The following SAMD12 variants were observed in gnomAD, a reference collection of about 807,000 sequenced individuals.
SAMD12 encodes the protein sterile alpha motif domain-containing protein 12.
In SAMD12, 9 loss-of-function variants were observed where a neutral mutation model predicts 15.0. The observed-to-expected ratio is 0.60, with a 90% CI of 0.36 to 1.05. The LOEUF (loss-of-function observed/expected upper bound fraction) is 1.05. Ranked by LOEUF, SAMD12 falls within the 50% of genes least tolerant of loss-of-function variation. SAMD12 has a pLI of 0.01. For synonymous variants in SAMD12, 86 were observed against 90.1 expected (o/e 0.96, Z 0.25); for missense variants, 230 against 234.2 (o/e 0.98, Z 0.12).
At chr8:118,261,966 G>A (rs1049237335) in intron 4 of SAMD12, among the ~76,000 whole-genome samples, 1 of 151,886 alleles carries the variant, frequency 6.6e-6, no homozygotes, top group Admixed American at 6.6e-5. Context: ...AGAAAATGTG[G>A]TATATATACA....
chr8:118,383,663 T>C (rs189117553), intron 3 of SAMD12, among the ~76,000 whole-genome samples: 24 of 152,244 alleles, frequency 1.6e-4, no homozygotes, highest in African/African-American at 4.8e-5. Flanking sequence ...CTGAATTGCC[T>C]GATACCATCA....
At position 118,580,912 on chromosome 8, in the gene SAMD12, T is replaced by C. The variant is rs954465047; in HGVS notation, c.14-19A>G. The C allele has an allele frequency of 9.4e-6, 15 of 1,587,502 alleles. No individual in the cohort carries two copies. The highest frequency in any genetic ancestry group is 1.7e-4 in the Middle Eastern group (1 of 5,942). ...TGGAGAGCTAGGAAAAAGCAACAAA[T>C]AGAACTCAGAAAACAAACCACATAA... is the stretch of plus-strand genomic sequence containing the variant. On this transcript the variant is annotated intron_variant, in intron 1 of 3. Transcript: ENST00000314727.
Position 118,228,874 on chromosome 8 carries a change from C to A in SAMD12, c.434-31142G>T, listed in dbSNP as rs982610268. 2.6e-5 allele frequency among the ~76,000 whole-genome samples: 4 copies of A among 152,256 alleles called. No homozygotes were observed. In the South Asian group the frequency reaches 6.2e-4, roughly 24 times the overall value. On this transcript the variant is annotated intron_variant, in intron 4 of 4. Transcript: ENST00000409003. ...GCAGCACAATTCACAATTGCTAAAT[C>A]GCGGAACAAATACAAATGCCCATCA...
At chr8:118,425,449 G>T (rs1822202782) in intron 3 of SAMD12, among the ~76,000 whole-genome samples, 1 of 152,164 alleles carries the variant, frequency 6.6e-6, no homozygotes, top group African/African-American at 2.4e-5. Flanking sequence ...GCTAAGGCAA[G>T]AGGACTGCTT....
chr8:118,133,074 A>T, the SAMD12 span, among the ~76,000 whole-genome samples: 1 of 143,080 alleles, frequency 7.0e-6, no homozygotes, highest in Non-Finnish European at 1.5e-5. Flanking sequence ...TAATTTCCAC[A>T]TTGAAAAAAT....
chr8:118,603,445 T>C (rs1018270517), intron 1 of SAMD12, among the ~76,000 whole-genome samples: 2 of 152,200 alleles, frequency 1.3e-5, no homozygotes, highest in Non-Finnish European at 2.9e-5. Context: ...AAAACATGAC[T>C]GGAAACTAGA....
intron 3 of SAMD12, among the ~76,000 whole-genome samples, chr8:118,399,556 G>A (rs1223667532): frequency 6.6e-6 from 1 of 152,150 alleles, no homozygotes. Flanking sequence ...AGGTACCCTA[G>A]TTCCAACTCA....
At chr8:118,203,510 G>A (rs894082574) in intron 4 of SAMD12, among the ~76,000 whole-genome samples, 2 of 151,976 alleles carry the variant, frequency 1.3e-5, no homozygotes, top group African/African-American at 4.8e-5. Context: ...AAAATTATCT[G>A]GCTCAAAATG....
chr8:118,431,703 T>TGC (rs1412027313), intron 3 of SAMD12, among the ~76,000 whole-genome samples: 2 of 151,590 alleles, frequency 1.3e-5, no homozygotes, highest in Non-Finnish European at 2.9e-5. Flanking sequence ...TGTGTGTGTG[T>TGC]GTGTGTGTGT....
chr8:118,530,256 G>A (rs752501369), intron 2 of SAMD12, among the ~76,000 whole-genome samples: 34 of 152,284 alleles, frequency 2.2e-4, no homozygotes, highest in Non-Finnish European at 3.7e-4. Context: ...TACATGTACA[G>A]GTTTGTTCCA....
At chr8:118,333,932 G>C (rs1586548681) in intron 4 of SAMD12, among the ~76,000 whole-genome samples, 1 of 39,858 alleles carries the variant, frequency 2.5e-5, no homozygotes. Flanking sequence ...GGGTATGTCT[G>C]TGTGTGTGTG....
chr8:118,464,817 C>T (rs1031188693), intron 2 of SAMD12, among the ~76,000 whole-genome samples: 1 of 152,028 alleles, frequency 6.6e-6, no homozygotes, highest in African/African-American at 2.4e-5. Context: ...AGGATATTAG[C>T]CACTCAAAGA....
intron 2 of SAMD12, among the ~76,000 whole-genome samples, chr8:118,468,639 C>G (rs1376242765): frequency 6.6e-6 from 1 of 152,044 alleles, no homozygotes; most frequent in Non-Finnish European, 1.5e-5. Flanking sequence ...GGGCACACAG[C>G]TGTTCGAATG....
chr8:118,428,452 C>T (rs1822302531), intron 3 of SAMD12, among the ~76,000 whole-genome samples: 1 of 142,576 alleles, frequency 7.0e-6, no homozygotes. Context: ...AATAAAAAGA[C>T]CAATTTATCA....
Position 118,378,564 on chromosome 8 carries a change from G to A in SAMD12, c.*853C>T. 2.0e-6 allele frequency: 2 copies of A among 985,016 alleles called. No individual in the cohort carries two copies. Among genetic ancestry groups the A allele is most frequent in the Non-Finnish European group, 2.4e-6 (2 of 829,612 alleles). 61.0% of individuals were successfully genotyped at this position (985,016 alleles called of 1,614,324 possible). The stretch of plus-strand genomic sequence containing the variant: ...CTCTAGGCAAATGGACTATTACTAG[G>A]TTAATCTAAATGCAATAACATGAAA... On this transcript the variant is annotated 3_prime_UTR_variant, in exon 4 of 4. Coordinates refer to ENST00000314727, the MANE Select transcript of SAMD12 (RefSeq NM_207506.3).
chr8:118,276,211 C>A (rs1376429546), intron 4 of SAMD12, among the ~76,000 whole-genome samples: 1 of 152,120 alleles, frequency 6.6e-6, no homozygotes, highest in Non-Finnish European at 1.5e-5. Context: ...CTACTAAAAA[C>A]AAAAATTTCC....
intron 2 of SAMD12, among the ~76,000 whole-genome samples, chr8:118,526,933 AC>A (rs1167226615): frequency 6.6e-6 from 1 of 152,218 alleles, no homozygotes; most frequent in African/African-American, 2.4e-5. Flanking sequence ...TGGTCCAGCA[AC>A]TGCACTAGTC....
chr8:118,357,769 C>G lies in SAMD12; in HGVS notation c.433+21791G>C, dbSNP rs780637245. Among the ~76,000 whole-genome samples the G allele has an allele frequency of 2.1e-4, 32 of 152,198 alleles. 1 individual carries two copies. The highest frequency in any genetic ancestry group is 5.2e-4 in the Admixed American group (8 of 15,286). Reference sequence around the variant, plus strand: ...ATGTAGCTTTGAGGCTCCACAGGACCTGGCCTTTGCCTGTGTCCCAGCCAC... The same window carrying G: ...ATGTAGCTTTGAGGCTCCACAGGACGTGGCCTTTGCCTGTGTCCCAGCCAC... On this transcript the variant is annotated intron_variant, in intron 4 of 4. Coordinates refer to the SAMD12 transcript ENST00000409003.
chr8:118,380,124 C>A (rs1219860697), intron 3 of SAMD12, among the ~76,000 whole-genome samples: 1 of 152,192 alleles, frequency 6.6e-6, no homozygotes, highest in Non-Finnish European at 1.5e-5. Flanking sequence ...AGCTGAAGAA[C>A]TGGATGCTCT....
Sources: gnomAD v4.1 joint callset for allele counts (sites outside exome capture counted in the v4.1 genomes callset) on GRCh38, gnomAD v4.1.1 for gene constraint, MANE v1.5 for transcripts, NCBI Gene and HGNC (gene_info 2026-07-23, HGNC 2026-07-21) for gene names.